Variants in CCDC60 observed in about 807,000 individuals in gnomAD.
The protein encoded by CCDC60 is coiled-coil domain-containing protein 60.
A neutral mutation model predicts 63.5 loss-of-function variants in CCDC60; 54 were observed. The ratio of observed to expected loss-of-function variants is 0.85; its 90% CI spans 0.68 to 1.07. The LOEUF (loss-of-function observed/expected upper bound fraction) is 1.07. CCDC60 is among the 50% of genes least tolerant of loss of function. The pLI is 0.00. For missense variants in CCDC60, 651 were observed against 684.3 expected (o/e 0.95, Z 0.54); for synonymous variants, 206 against 238.8 (o/e 0.86, Z 1.27).
chr12:119,386,838 A>C (rs918312022), intron 1 of CCDC60, among the ~76,000 whole-genome samples: 2 of 152,146 alleles, frequency 1.3e-5, no homozygotes, highest in Non-Finnish European at 2.9e-5. Flanking sequence ...CATTGCGAGG[A>C]AGCCTCTCTC....
intron 11 of CCDC60, among the ~76,000 whole-genome samples, chr12:119,524,986 A>G (rs983029055): frequency 3.9e-5 from 6 of 152,022 alleles, no homozygotes; most frequent in African/African-American, 1.5e-4. Context: ...TTTTCAGTTT[A>G]ATAAACATAG....
chr12:119,520,629 T>A (rs3891311), intron 9 of CCDC60, among the ~76,000 whole-genome samples: 1 of 149,468 alleles, frequency 6.7e-6, no homozygotes, highest in East Asian at 2.0e-4. Context: ...GCAACCTCCA[T>A]CTCTTGGGTT....
chr12:119,484,432 A>G (rs1315961369), intron 4 of CCDC60, among the ~76,000 whole-genome samples: 1 of 152,096 alleles, frequency 6.6e-6, no homozygotes, highest in African/African-American at 2.4e-5. Flanking sequence ...AATTGTGCTC[A>G]AGTACAGGTG....
intron 2 of CCDC60, among the ~76,000 whole-genome samples, chr12:119,470,750 C>T (rs1421229229): frequency 6.6e-6 from 1 of 152,142 alleles, no homozygotes; most frequent in Non-Finnish European, 1.5e-5. Context: ...CAGCCTCCCC[C>T]TAGTCTCAAT....
At chr12:119,532,314 G>T (rs567465450) in intron 13 of CCDC60, among the ~76,000 whole-genome samples, 2 of 151,922 alleles carry the variant, frequency 1.3e-5, no homozygotes, top group Non-Finnish European at 2.9e-5. Flanking sequence ...AGTACTAGGG[G>T]CTCCTCTTTT....
At chr12:119,440,881 C>G (rs1158732553) in intron 2 of CCDC60, among the ~76,000 whole-genome samples, 1 of 152,222 alleles carries the variant, frequency 6.6e-6, no homozygotes, top group Admixed American at 6.5e-5. Flanking sequence ...AAAGCACTCT[C>G]TCTCCCAAGG....
intron 7 of CCDC60, among the ~76,000 whole-genome samples, chr12:119,510,431 T>A (rs1238606505): frequency 1.3e-5 from 2 of 152,188 alleles, no homozygotes; most frequent in Non-Finnish European, 2.9e-5. Context: ...AGTTCAAATG[T>A]TCCCTCCTCT....
chr12:119,522,113 C>T (rs987448296), intron 9 of CCDC60, among the ~76,000 whole-genome samples: 3 of 152,152 alleles, frequency 2.0e-5, no homozygotes, highest in East Asian at 3.9e-4. Flanking sequence ...AAAAGGAAAA[C>T]GGTCTTACCA....
intron 4 of CCDC60, among the ~76,000 whole-genome samples, chr12:119,481,067 TCAC>T (rs1951309163): frequency 6.6e-6 from 1 of 150,934 alleles, no homozygotes; most frequent in Non-Finnish European, 1.5e-5. Flanking sequence ...ATCATCATCA[TCAC>T]CATCATCATC....
intron 13 of CCDC60, 140 bp downstream of exon 13, chr12:119,531,203 G>A: frequency 1.4e-6 from 1 of 712,544 alleles, no homozygotes; most frequent in Non-Finnish European, 2.3e-6. Flanking sequence ...TAGAGGGATT[G>A]TCCCATTACC....
At chr12:119,368,958 G>A (rs896034121) in intron 1 of CCDC60, among the ~76,000 whole-genome samples, 1 of 152,246 alleles carries the variant, frequency 6.6e-6, no homozygotes, top group East Asian at 1.9e-4. Flanking sequence ...GTCTAGAGAG[G>A]ATGAAGAAAG....
At chr12:119,454,243 G>A (rs991835424) in intron 2 of CCDC60, among the ~76,000 whole-genome samples, 4 of 152,182 alleles carry the variant, frequency 2.6e-5, no homozygotes, top group Non-Finnish European at 5.9e-5. Flanking sequence ...CCTATGGTCA[G>A]ACTATTTGAC....
intron 2 of CCDC60, among the ~76,000 whole-genome samples, chr12:119,471,342 T>A (rs1951053030): frequency 6.6e-6 from 1 of 152,188 alleles, no homozygotes; most frequent in Non-Finnish European, 1.5e-5. Context: ...TTTAGGCAAA[T>A]CAAAGAGAGG....
intron 13 of CCDC60, among the ~76,000 whole-genome samples, chr12:119,534,270 C>A (rs1353494517): frequency 6.6e-6 from 1 of 152,156 alleles, no homozygotes; most frequent in African/African-American, 2.4e-5. Flanking sequence ...GATTTTGTAT[C>A]TTGAGACTTT....
At chr12:119,416,581 G>A (rs1249054260) in intron 1 of CCDC60, among the ~76,000 whole-genome samples, 1 of 151,886 alleles carries the variant, frequency 6.6e-6, no homozygotes, top group Non-Finnish European at 1.5e-5. Flanking sequence ...TTTAGGAAGG[G>A]GAAAAAAATC....
rs376866010 is a variant in CCDC60 at position 119,428,711 on chromosome 12, A to G, written c.119A>G (p.Lys40Arg). 6.2e-6 allele frequency: 10 copies of G among 1,607,496 alleles called. No homozygotes were observed. The highest frequency in any genetic ancestry group is 5.0e-5 in the Admixed American group (3 of 59,412). The stretch of plus-strand genomic sequence containing the variant: ...CCAGACAAGCCAATGAAGAGCATCA[A>G]GTATATGGACAAGGAAATAATAAAC... Reference protein sequence around the residue: ...QVPDKPMKSIKYMDKEIINLK... With the variant: ...QVPDKPMKSIRYMDKEIINLK... The change falls in exon 2 of 14, where the codon AAG becomes AGG. Residue 40 changes from lysine (K) to arginine (R), a missense_variant. Lys to Arg is a conservative substitution (Grantham distance 26). Coordinates refer to ENST00000327554, the MANE Select transcript of CCDC60 (RefSeq NM_178499.5).
rs191712500 is a variant in CCDC60, at chr12:119,468,148, C to T, written c.171-3846C>T. On this transcript the variant is annotated intron_variant, in intron 2 of 13. Coordinates refer to ENST00000327554, the MANE Select transcript of CCDC60 (RefSeq NM_178499.5). The stretch of plus-strand genomic sequence containing the variant: ...AAAATAAATAAATAAATAAATTAGC[C>T]GGGCATGGTGGCACATGCCTGTAAT... 3.4e-4 allele frequency among the ~76,000 whole-genome samples: 51 copies of T among 152,086 alleles called. No individual in the cohort carries two copies. The East Asian group carries it at 6.8e-3, about 20-fold the overall frequency.
chr12:119,347,621 T>C (rs1254652061), intron 1 of CCDC60, among the ~76,000 whole-genome samples: 1 of 152,118 alleles, frequency 6.6e-6, no homozygotes, highest in African/African-American at 2.4e-5. Context: ...AGGCAACACA[T>C]TCCTTAGGCA....
chr12:119,388,807 T>A (rs1272328519), intron 1 of CCDC60, among the ~76,000 whole-genome samples: 1 of 152,238 alleles, frequency 6.6e-6, no homozygotes, highest in East Asian at 1.9e-4. Context: ...TTTCGTGGAA[T>A]AGGTTATGGT....
Sources: gnomAD v4.1 joint callset for allele counts (sites outside exome capture counted in the v4.1 genomes callset) on GRCh38, gnomAD v4.1.1 for gene constraint, MANE v1.5 for transcripts, NCBI Gene and HGNC (gene_info 2026-07-23, HGNC 2026-07-21) for gene names.